CAMKMT: variants seen among roughly 807,000 people sequenced by gnomAD.
CAMKMT encodes calmodulin-lysine N-methyltransferase.
CAMKMT carries 53 observed loss-of-function variants against 48.0 expected under a neutral mutation model. The ratio of observed to expected loss-of-function variants is 1.10; its 90% CI spans 0.89 to 1.39. CAMKMT has a LOEUF of 1.39. Among genes scored for constraint, CAMKMT ranks in the 40% most tolerant of loss-of-function variants. The pLI is 0.00. For synonymous variants in CAMKMT, 165 were observed against 152.3 expected (o/e 1.08, Z -0.61); for missense variants, 428 against 402.7 (o/e 1.06, Z -0.54).
intron 5 of CAMKMT, among the ~76,000 whole-genome samples, chr2:44,706,774 T>C (rs1677588935): frequency 6.6e-6 from 1 of 152,060 alleles, no homozygotes; most frequent in Non-Finnish European, 1.5e-5. Context: ...TCTTTTGAAT[T>C]AGATTGGCCA....
At chr2:44,415,614 T>TTG (rs1199697196) in intron 3 of CAMKMT, among the ~76,000 whole-genome samples, 3 of 152,054 alleles carry the variant, frequency 2.0e-5, no homozygotes, top group South Asian at 2.1e-4. Context: ...AGAGAGCAAA[T>TTG]TGTGTGTGTG....
At chr2:44,731,243 A>C (rs766272114) in intron 7 of CAMKMT, among the ~76,000 whole-genome samples, 22 of 152,176 alleles carry the variant, frequency 1.4e-4, no homozygotes, top group Admixed American at 9.8e-4. Context: ...AGGGAGGCTG[A>C]GGCAGGAGAA....
chr2:44,402,295 C>T (rs1194080830), intron 3 of CAMKMT, among the ~76,000 whole-genome samples: 2 of 109,818 alleles, frequency 1.8e-5, no homozygotes, highest in African/African-American at 5.4e-5. Context: ...CACCATTGCA[C>T]CCCAGCTTGG....
At chr2:44,677,286 A>G (rs540055301) in intron 3 of CAMKMT, among the ~76,000 whole-genome samples, 1 of 152,172 alleles carries the variant, frequency 6.6e-6, no homozygotes, top group Non-Finnish European at 1.5e-5. Context: ...TTTAACAGGG[A>G]TAAGAGGAGT....
chr2:44,568,030 A>G (rs866284322), intron 3 of CAMKMT, among the ~76,000 whole-genome samples: 2 of 151,426 alleles, frequency 1.3e-5, no homozygotes, highest in African/African-American at 4.9e-5. Flanking sequence ...AGAGCTTATA[A>G]TAAGGAGCTC....
intron 3 of CAMKMT, among the ~76,000 whole-genome samples, chr2:44,516,203 C>T (rs1402066005): frequency 4.6e-5 from 7 of 152,188 alleles, no homozygotes; most frequent in Admixed American, 1.3e-4. Context: ...TCACAGTTCA[C>T]GTTAGACTCA....
Position 44,695,642 on chromosome 2 carries a change from T to C in CAMKMT, c.377-8641T>C, listed in dbSNP as rs189593191. On this transcript the variant is annotated intron_variant, in intron 3 of 10. Transcript: ENST00000378494. ...CACTAAACCTCTACATAGGGATGTT[T>C]TTTAAGGCATAAACCCACGTGAATG... is the stretch of plus-strand genomic sequence containing the variant. 2.0e-5 allele frequency among the ~76,000 whole-genome samples: 3 copies of C among 152,332 alleles called. No individual in the cohort carries two copies. The East Asian group carries it at 5.8e-4, about 29-fold the overall frequency.
chr2:44,604,896 T>G (rs1671199823), intron 3 of CAMKMT, among the ~76,000 whole-genome samples: 1 of 152,140 alleles, frequency 6.6e-6, no homozygotes, highest in African/African-American at 2.4e-5. Context: ...ATAGGCTGTT[T>G]GTGGCTCACT....
chr2:44,544,416 T>A (rs1048921698), intron 3 of CAMKMT, among the ~76,000 whole-genome samples: 1 of 152,114 alleles, frequency 6.6e-6, no homozygotes, highest in African/African-American at 2.4e-5. Context: ...ATGAATACAG[T>A]GTTAATTAAG....
intron 3 of CAMKMT, among the ~76,000 whole-genome samples, chr2:44,399,210 C>G (rs1572761054): frequency 2.0e-5 from 3 of 152,156 alleles, no homozygotes; most frequent in Admixed American, 2.0e-4. Context: ...TTCTGTATCA[C>G]TTAATTTCTG....
chr2:44,577,956 C>A (rs902004331), intron 3 of CAMKMT, among the ~76,000 whole-genome samples: 30 of 152,182 alleles, frequency 2.0e-4, no homozygotes, highest in African/African-American at 7.0e-4. Context: ...GTTTATTATT[C>A]TTCATCCAAA....
chr2:44,480,292 T>C (rs1305595764), intron 3 of CAMKMT, among the ~76,000 whole-genome samples: 2 of 152,172 alleles, frequency 1.3e-5, no homozygotes, highest in East Asian at 3.8e-4. Context: ...GTTACTTCAG[T>C]GGGTCACTTG....
At chr2:44,628,208 A>C (rs969843923) in intron 3 of CAMKMT, among the ~76,000 whole-genome samples, 1 of 152,180 alleles carries the variant, frequency 6.6e-6, no homozygotes, top group African/African-American at 2.4e-5. Flanking sequence ...TTGGGGTCCC[A>C]AAGTGCTGAG....
At chr2:44,629,310 C>T (rs10171970) in intron 3 of CAMKMT, among the ~76,000 whole-genome samples, 56,051 of 151,900 alleles carry the variant, frequency 0.37, 11,995 homozygotes, top group Middle Eastern at 0.55. Flanking sequence ...CTTTGAAGTC[C>T]GCTGTGTCTG....
chr2:44,523,992 G>T (rs557275395), intron 3 of CAMKMT, among the ~76,000 whole-genome samples: 1 of 151,966 alleles, frequency 6.6e-6, no homozygotes, highest in East Asian at 1.9e-4. Flanking sequence ...GGCCAGGCTG[G>T]TCTCAAACTC....
intron 3 of CAMKMT, among the ~76,000 whole-genome samples, chr2:44,567,735 G>A (rs573467291): frequency 2.6e-5 from 4 of 152,260 alleles, no homozygotes; most frequent in Admixed American, 2.0e-4. Flanking sequence ...GTCCTGTCAC[G>A]TCCTGCTAGC....
intron 3 of CAMKMT, among the ~76,000 whole-genome samples, chr2:44,540,080 T>C (rs915090023): frequency 5.9e-5 from 9 of 152,174 alleles, no homozygotes; most frequent in Middle Eastern, 6.8e-3. Flanking sequence ...TGTTGCCAAA[T>C]TGTCCCTTCT....
At chr2:44,544,609 C>A (rs1466283933) in intron 3 of CAMKMT, among the ~76,000 whole-genome samples, 1 of 152,204 alleles carries the variant, frequency 6.6e-6, no homozygotes, top group Non-Finnish European at 1.5e-5. Flanking sequence ...TAAACTGCTG[C>A]AACCATTATC....
At chr2:44,506,089 C>A in intron 3 of CAMKMT, among the ~76,000 whole-genome samples, 1 of 152,140 alleles carries the variant, frequency 6.6e-6, no homozygotes, top group East Asian at 1.9e-4. Context: ...CTCCTGGGCT[C>A]AAGCAGTTCA....
Sources: gnomAD v4.1 joint callset for allele counts (sites outside exome capture counted in the v4.1 genomes callset) on GRCh38, gnomAD v4.1.1 for gene constraint, MANE v1.5 for transcripts, NCBI Gene and HGNC (gene_info 2026-07-23, HGNC 2026-07-21) for gene names.